Variants in CASK observed in about 807,000 individuals in gnomAD.
The protein encoded by CASK is peripheral plasma membrane protein CASK.
Under a neutral mutation model 82.9 loss-of-function variants are expected in CASK, and 4 were observed. That is an observed-to-expected ratio of 0.05 (90% CI 0.02 to 0.11). CASK has a LOEUF of 0.11. CASK is among the 10% of genes least tolerant of loss of function. CASK has a pLI of 1.00. For synonymous variants in CASK, 259 were observed against 253.5 expected, an observed-to-expected ratio of 1.02 and a Z score of -0.20; for missense variants, 358 against 720.9, an observed-to-expected ratio of 0.50 and a Z score of 5.76.
rs778838318 is a variant in CASK, at chrX:41,739,469, A to G, written c.357-13T>C. On this transcript the variant is annotated splice_polypyrimidine_tract_variant and intron_variant, in intron 4 of 26. Coordinates refer to ENST00000378163, the MANE Select transcript of CASK (RefSeq NM_001367721.1). The stretch of plus-strand genomic sequence containing the variant: ...TCTCATATAATGGCTGTAAAAAACA[A>G]AAGAAATCTAAAAACTGTAAACAAT... 1 of 1,070,834 alleles carries G rather than the reference A, an allele frequency of 9.3e-7. No homozygotes were observed. The highest frequency in any genetic ancestry group is 1.8e-5 in the African/African-American group (1 of 55,132). The allele number at this position is 1,070,834 out of a possible 1,213,427, so 88.2% of individuals were successfully genotyped here.
intron 8 of CASK, among the ~76,000 whole-genome samples, chrX:41,659,753 C>T (rs960195816): frequency 9.0e-6 from 1 of 111,107 alleles, no homozygotes; most frequent in Non-Finnish European, 1.9e-5. Flanking sequence ...AATCCCAGCA[C>T]TTTGGGAAGC....
intron 14 of CASK, among the ~76,000 whole-genome samples, chrX:41,579,827 CAA>C (rs1401147245): frequency 1.0e-5 from 1 of 97,686 alleles, no homozygotes. Context: ...GCATACGAGG[CAA>C]AAAAAAAAGG....
At chrX:41,908,252 G>A (rs997446651) in intron 1 of CASK, among the ~76,000 whole-genome samples, 3 of 112,172 alleles carry the variant, frequency 2.7e-5, no homozygotes, top group African/African-American at 9.7e-5. Flanking sequence ...GTGGTGGCCT[G>A]TAATCCCAGC....
intron 25 of CASK, chrX:41,524,842 T>C (rs1321319487): frequency 9.0e-6 from 1 of 111,145 alleles, no homozygotes; most frequent in Admixed American, 9.6e-5. Flanking sequence ...TCTTGGAGGT[T>C]ACAAACTCCC....
rs760003954 is a variant in CASK at position 41,576,178 on chromosome X, T to C, written c.1503+2162A>G. On this transcript the variant is annotated intron_variant, in intron 15 of 26. Coordinates refer to ENST00000378163, the MANE Select transcript of CASK (RefSeq NM_001367721.1). ...TTAGTAGAGATGGGGTTTCACCATA[T>C]TGGCCACGCTGGTCTCGAACTCCTG... 4.6e-5 allele frequency among the ~76,000 whole-genome samples: 5 copies of C among 109,859 alleles called. No individual in the cohort carries two copies. In the South Asian group the frequency reaches 2.0e-3, roughly 44 times the overall value.
intron 2 of CASK, among the ~76,000 whole-genome samples, chrX:41,802,142 A>G (rs1391039857): frequency 1.8e-5 from 2 of 111,897 alleles, no homozygotes; most frequent in African/African-American, 6.5e-5. Flanking sequence ...TTTCTGAGGA[A>G]ACTGTTCCCT....
intron 8 of CASK, among the ~76,000 whole-genome samples, chrX:41,655,636 G>C (rs1289858345): frequency 9.0e-6 from 1 of 111,116 alleles, no homozygotes; most frequent in Non-Finnish European, 1.9e-5. Context: ...TTTTCCCCTA[G>C]GACTGACTCT....
chrX:41,773,575 T>C (rs1208139001), intron 3 of CASK, among the ~76,000 whole-genome samples: 1 of 110,728 alleles, frequency 9.0e-6, no homozygotes, highest in Non-Finnish European at 1.9e-5. Flanking sequence ...CATGTGTTGC[T>C]AACGATGGGG....
intron 9 of CASK, among the ~76,000 whole-genome samples, chrX:41,631,933 C>T (rs1292099353): frequency 9.0e-6 from 1 of 110,616 alleles, no homozygotes; most frequent in East Asian, 2.8e-4. Context: ...TTAAGGTCCC[C>T]ACCCCGCTTA....
At chrX:41,537,531 T>C (rs917516096) in intron 22 of CASK, among the ~76,000 whole-genome samples, 4 of 111,374 alleles carry the variant, frequency 3.6e-5, no homozygotes, top group African/African-American at 1.3e-4. Context: ...TGGCTTTTCA[T>C]ATATTAGTAA....
intron 5 of CASK, among the ~76,000 whole-genome samples, chrX:41,709,711 A>T: frequency 9.0e-6 from 1 of 111,492 alleles, no homozygotes; most frequent in South Asian, 3.8e-4. Flanking sequence ...TATTATTATT[A>T]ATTTTCTAAA....
intron 5 of CASK, among the ~76,000 whole-genome samples, chrX:41,691,150 C>T (rs1265647742): frequency 5.4e-5 from 6 of 112,091 alleles, no homozygotes; most frequent in Non-Finnish European, 1.1e-4. Flanking sequence ...ATTTTATTTG[C>T]AGATTAGAGC....
chrX:41,680,759 T>C (rs1007139908), intron 5 of CASK, among the ~76,000 whole-genome samples: 1 of 108,761 alleles, frequency 9.2e-6, no homozygotes, highest in African/African-American at 3.3e-5. Flanking sequence ...CTACTAAAAA[T>C]ACAAAATTAG....
At chrX:41,817,832 G>GA (rs2070443706) in intron 2 of CASK, among the ~76,000 whole-genome samples, 1 of 111,111 alleles carries the variant, frequency 9.0e-6, no homozygotes, top group Admixed American at 9.6e-5. Flanking sequence ...ACAAAACGTT[G>GA]AAAAAACATT....
chrX:41,615,200 T>A (rs1379937566), intron 11 of CASK, among the ~76,000 whole-genome samples: 1 of 111,929 alleles, frequency 8.9e-6, no homozygotes, highest in African/African-American at 3.2e-5. Context: ...AAGAGATAAA[T>A]GGCAGAAATC....
chrX:41,660,107 T>A, intron 8 of CASK: 1 of 317,216 alleles, frequency 3.2e-6, no homozygotes, highest in Non-Finnish European at 5.5e-6. Context: ...AAAATAAAGA[T>A]AGTTAATTTA....
intron 12 of CASK, among the ~76,000 whole-genome samples, chrX:41,609,404 G>A (rs1602340375): frequency 9.0e-6 from 1 of 110,683 alleles, no homozygotes; most frequent in Non-Finnish European, 1.9e-5. Flanking sequence ...CATGAGCCAC[G>A]GTGCCCGGCC....
At chrX:41,818,490 C>T (rs959586068) in intron 2 of CASK, among the ~76,000 whole-genome samples, 22 of 109,440 alleles carry the variant, frequency 2.0e-4, no homozygotes, top group African/African-American at 7.3e-4. Context: ...GTAGTTCCAG[C>T]TACTCGGGAG....
At chrX:41,581,467 CT>C (rs1439827164) in intron 14 of CASK, among the ~76,000 whole-genome samples, 1 of 109,512 alleles carries the variant, frequency 9.1e-6, no homozygotes, top group Non-Finnish European at 1.9e-5. Flanking sequence ...CTACAAGTAT[CT>C]GGATTTTCAG....
Sources: gnomAD v4.1 joint callset for allele counts (sites outside exome capture counted in the v4.1 genomes callset) on GRCh38, gnomAD v4.1.1 for gene constraint, MANE v1.5 for transcripts, NCBI Gene and HGNC (gene_info 2026-07-23, HGNC 2026-07-21) for gene names.